The following KCNQ5 variants were observed in gnomAD, a reference collection of about 807,000 sequenced individuals.
The protein encoded by KCNQ5 is potassium voltage-gated channel subfamily KQT member 5.
Under a neutral mutation model 98.2 loss-of-function variants are expected in KCNQ5, and 30 were observed. The observed-to-expected ratio is 0.31, with a 90% CI of 0.23 to 0.41. The LOEUF (loss-of-function observed/expected upper bound fraction) is 0.41, where lower values mean the gene tolerates loss of function less well. Among genes scored for constraint, KCNQ5 ranks in the 10% least tolerant of loss-of-function variants. KCNQ5 has a pLI of 1.00. For synonymous variants in KCNQ5, 458 were observed against 449.4 expected (o/e 1.02, Z -0.24); for missense variants, 835 against 1,182.5 (o/e 0.71, Z 4.31).
intron 1 of KCNQ5, among the ~76,000 whole-genome samples, chr6:72,644,267 AGAT>A (rs1363480708): frequency 2.0e-5 from 3 of 152,308 alleles, no homozygotes; most frequent in African/African-American, 7.2e-5. Context: ...TTCTGTTTAA[AGAT>A]ACATTATTTA....
chr6:72,769,962 C>T (rs983519509), intron 1 of KCNQ5, among the ~76,000 whole-genome samples: 2 of 152,078 alleles, frequency 1.3e-5, no homozygotes, highest in African/African-American at 4.8e-5. Context: ...CTCTCACACC[C>T]TCCTGGACAG....
chr6:72,748,391 T>C (rs1260049522), intron 1 of KCNQ5, among the ~76,000 whole-genome samples: 1 of 152,160 alleles, frequency 6.6e-6, no homozygotes, highest in Non-Finnish European at 1.5e-5. Context: ...ATTGGTGCAT[T>C]ACTTCACAGC....
chr6:73,085,947 C>T (rs942310297), intron 5 of KCNQ5, among the ~76,000 whole-genome samples: 22 of 152,072 alleles, frequency 1.4e-4, no homozygotes, highest in African/African-American at 2.2e-4. Flanking sequence ...ATTAATAAAC[C>T]GATGTAAAAG....
At chr6:73,130,684 G>C (rs1176336376) in intron 9 of KCNQ5, among the ~76,000 whole-genome samples, 1 of 152,146 alleles carries the variant, frequency 6.6e-6, no homozygotes, top group East Asian at 1.9e-4. Context: ...TTCAGTAACA[G>C]TCACCTGATC....
At chr6:72,699,078 T>C (rs958110109) in intron 1 of KCNQ5, among the ~76,000 whole-genome samples, 3 of 152,182 alleles carry the variant, frequency 2.0e-5, no homozygotes, top group Admixed American at 2.0e-4. Flanking sequence ...AGGTACCCAT[T>C]CTAACACTGT....
At chr6:73,041,522 C>A (rs749577885) in intron 2 of KCNQ5, among the ~76,000 whole-genome samples, 4 of 152,176 alleles carry the variant, frequency 2.6e-5, no homozygotes, top group Non-Finnish European at 5.9e-5. Flanking sequence ...TCACTCCTTG[C>A]AGCAAAATGA....
chr6:72,823,207 A>G (rs1775834123), intron 1 of KCNQ5, among the ~76,000 whole-genome samples: 1 of 152,100 alleles, frequency 6.6e-6, no homozygotes, highest in Non-Finnish European at 1.5e-5. Context: ...GAAAATAAAC[A>G]TGTTAATATT....
chr6:73,089,247 C>A (rs1774128208), intron 5 of KCNQ5, among the ~76,000 whole-genome samples: 1 of 152,060 alleles, frequency 6.6e-6, no homozygotes, highest in African/African-American at 2.4e-5. Flanking sequence ...AATCAATATA[C>A]AATATCATTT....
chr6:73,005,909 A>T (rs1324169247), intron 2 of KCNQ5, among the ~76,000 whole-genome samples: 1 of 152,238 alleles, frequency 6.6e-6, no homozygotes, highest in African/African-American at 2.4e-5. Context: ...CTCAAAACCT[A>T]CCTAGAAATA....
Position 73,156,004 on chromosome 6 carries a change from T to A in KCNQ5, c.1469-13742T>A, listed in dbSNP as rs140133471. ...GTCCCTAGCCAAGGACTTAGTGAAA[T>A]GAAATTGTGCTACTGCATCAGGGCC... is the stretch of plus-strand genomic sequence containing the variant. On this transcript the variant is annotated intron_variant, in intron 10 of 13. Coordinates refer to ENST00000370398, the MANE Select transcript of KCNQ5 (RefSeq NM_019842.4). Among the ~76,000 whole-genome samples, 96 of 152,250 alleles carry A rather than the reference T, an allele frequency of 6.3e-4. 1 individual carries two copies. The highest frequency in any genetic ancestry group is 2.3e-3 in the African/African-American group (96 of 41,554).
At position 72,622,313 on chromosome 6, in the gene KCNQ5, G is replaced by A. The variant is rs1214189425; in HGVS notation, c.124G>A (p.Gly42Ser). ...LGSGMKDVES[G>S]RGRVLLNSAA... ...CAGCGGCATGAAGGATGTGGAGTCC[G>A]GCCGGGGCAGGGTGCTGCTGAACTC... The change falls in exon 1 of 14, where the codon GGC becomes AGC. Residue 42 changes from glycine to serine, a missense_variant. This residue lies in a region of KCNQ5 where 80 missense variants were observed against 72.3 expected (regional missense o/e 1.11). Coordinates refer to ENST00000370398, the MANE Select transcript of KCNQ5 (RefSeq NM_019842.4). This position sits in a 1 kb window ranked among gnomAD's most constrained non-coding sequence, Gnocchi z 6.0. 3.6e-6 allele frequency: 5 copies of A among 1,374,432 alleles called. No homozygotes were observed. Among genetic ancestry groups the A allele is most frequent in the Non-Finnish European group, 3.7e-6 (4 of 1,068,410 alleles). The allele number at this position is 1,374,432 out of a possible 1,614,324, so 85.1% of individuals were successfully genotyped here.
At chr6:73,157,104 G>A (rs1777392613) in intron 10 of KCNQ5, among the ~76,000 whole-genome samples, 1 of 152,018 alleles carries the variant, frequency 6.6e-6, no homozygotes, top group Non-Finnish European at 1.5e-5. Context: ...AAAACAAACT[G>A]TACACTCACA....
At chr6:72,986,954 G>T in intron 1 of KCNQ5, 1 of 826,380 alleles carries the variant, frequency 1.2e-6, no homozygotes, top group Admixed American at 2.1e-5. Context: ...AACGGAAGCA[G>T]AAGAGCCCCA....
chr6:73,144,570 A>G (rs1318937586), intron 10 of KCNQ5, among the ~76,000 whole-genome samples: 2 of 152,216 alleles, frequency 1.3e-5, no homozygotes, highest in Admixed American at 6.5e-5. Flanking sequence ...TGATTGAAAA[A>G]TGTCATGACC....
At chr6:73,023,976 T>C (rs963020992) in intron 2 of KCNQ5, among the ~76,000 whole-genome samples, 6 of 152,212 alleles carry the variant, frequency 3.9e-5, no homozygotes, top group Non-Finnish European at 7.3e-5. Context: ...ATGGAGCACC[T>C]TGGAAGGTTT....
At chr6:72,771,896 G>T (rs903737678) in intron 1 of KCNQ5, among the ~76,000 whole-genome samples, 1 of 151,978 alleles carries the variant, frequency 6.6e-6, no homozygotes, top group Non-Finnish European at 1.5e-5. Context: ...GGTTATTTAC[G>T]TATAGGGAAC....
intron 1 of KCNQ5, among the ~76,000 whole-genome samples, chr6:72,666,791 C>T (rs1045759595): frequency 9.9e-5 from 15 of 152,054 alleles, no homozygotes; most frequent in Non-Finnish European, 2.1e-4. Flanking sequence ...ATAAAATTCA[C>T]AATAAAGTGT....
At chr6:73,071,958 A>T (rs1480152005) in intron 3 of KCNQ5, among the ~76,000 whole-genome samples, 1 of 152,188 alleles carries the variant, frequency 6.6e-6, no homozygotes, top group Non-Finnish European at 1.5e-5. Flanking sequence ...TGTATATTTT[A>T]TTAAAATTAT....
intron 1 of KCNQ5, among the ~76,000 whole-genome samples, chr6:72,743,354 GTCA>G (rs1003688429): frequency 9.9e-5 from 15 of 151,470 alleles, no homozygotes; most frequent in African/African-American, 2.9e-4. Flanking sequence ...TTTCATTTTA[GTCA>G]TCAAAACAAT....
Sources: allele counts gnomAD v4.1 joint callset (sites outside exome capture counted in the v4.1 genomes callset), GRCh38; gene constraint gnomAD v4.1.1; regional missense constraint gnomAD v4.1.1; non-coding constraint Gnocchi (gnomAD v3.1); transcripts MANE v1.5; gene names NCBI Gene and HGNC (gene_info 2026-07-23, HGNC 2026-07-21).